KCNQ5: variants seen among roughly 807,000 people sequenced by gnomAD.
KCNQ5 encodes the protein potassium voltage-gated channel subfamily KQT member 5.
Under a neutral mutation model 98.2 loss-of-function variants are expected in KCNQ5, and 30 were observed. That is an observed-to-expected ratio of 0.31 (90% CI 0.23 to 0.41). KCNQ5 has a LOEUF of 0.41. Among genes scored for constraint, KCNQ5 ranks in the 10% least tolerant of loss-of-function variants. The pLI is 1.00. For missense variants in KCNQ5, 835 were observed against 1,182.5 expected (o/e 0.71, Z 4.31); for synonymous variants, 458 against 449.4 (o/e 1.02, Z -0.24).
intron 2 of KCNQ5, among the ~76,000 whole-genome samples, chr6:73,021,488 T>C (rs573017982): frequency 1.3e-5 from 2 of 152,350 alleles, no homozygotes; most frequent in South Asian, 4.1e-4. Flanking sequence ...TTTGTTATTG[T>C]CTTTCATTAT....
chr6:73,070,109 A>G (rs890145408), intron 3 of KCNQ5, among the ~76,000 whole-genome samples: 15 of 152,238 alleles, frequency 9.9e-5, no homozygotes, highest in African/African-American at 3.4e-4. Flanking sequence ...CCGTGAATTT[A>G]ATATGAGGTC....
intron 3 of KCNQ5, among the ~76,000 whole-genome samples, chr6:73,053,354 A>T (rs1006863622): frequency 2.0e-5 from 3 of 152,194 alleles, no homozygotes; most frequent in Admixed American, 6.5e-5. Flanking sequence ...CAGAAAACTA[A>T]CAAAGAAATT....
At chr6:73,103,471 A>G (rs1204827662) in intron 5 of KCNQ5, among the ~76,000 whole-genome samples, 1 of 54,136 alleles carries the variant, frequency 1.8e-5, no homozygotes, top group East Asian at 6.0e-4. Flanking sequence ...AACATCACAT[A>G]CTGGGGCCTG....
At chr6:73,021,988 A>G (rs1438504847) in intron 2 of KCNQ5, among the ~76,000 whole-genome samples, 2 of 152,168 alleles carry the variant, frequency 1.3e-5, no homozygotes, top group African/African-American at 4.8e-5. Flanking sequence ...TAAAGCAAAT[A>G]TGCTTATCTA....
chr6:72,966,329 C>T (rs756340552), intron 1 of KCNQ5, among the ~76,000 whole-genome samples: 2 of 151,618 alleles, frequency 1.3e-5, no homozygotes, highest in South Asian at 4.2e-4. Flanking sequence ...GAGGCCAAGG[C>T]GGGCGGATCA....
intron 1 of KCNQ5, among the ~76,000 whole-genome samples, chr6:72,923,009 A>C (rs1200694723): frequency 6.6e-6 from 1 of 151,684 alleles, no homozygotes; most frequent in Non-Finnish European, 1.5e-5. Flanking sequence ...ACGGGGTTCC[A>C]CCATGTTGGC....
intron 1 of KCNQ5, among the ~76,000 whole-genome samples, chr6:72,868,804 A>G (rs752054458): frequency 9.9e-5 from 15 of 152,152 alleles, no homozygotes; most frequent in Non-Finnish European, 2.2e-4. Context: ...CCCACTTCCT[A>G]AGGAAGGTAA....
intron 1 of KCNQ5, among the ~76,000 whole-genome samples, chr6:72,833,805 T>C (rs1224948108): frequency 6.6e-6 from 1 of 152,056 alleles, no homozygotes; most frequent in Non-Finnish European, 1.5e-5. Flanking sequence ...AGTTCATCCA[T>C]AGGAAAGTAG....
chr6:72,858,168 T>A (rs1777609300), intron 1 of KCNQ5, among the ~76,000 whole-genome samples: 1 of 152,172 alleles, frequency 6.6e-6, no homozygotes, highest in Non-Finnish European at 1.5e-5. Context: ...ATTTTTCCCA[T>A]GGCATTTAAC....
At chr6:73,000,415 G>T (rs1028808172) in intron 1 of KCNQ5, among the ~76,000 whole-genome samples, 2 of 152,138 alleles carry the variant, frequency 1.3e-5, no homozygotes, top group Non-Finnish European at 1.5e-5. Context: ...AACTTTATAT[G>T]CTTGGTCTGC....
intron 1 of KCNQ5, among the ~76,000 whole-genome samples, chr6:72,836,006 C>T (rs1413866328): frequency 2.6e-5 from 4 of 152,168 alleles, no homozygotes; most frequent in Admixed American, 1.3e-4. Context: ...GCAAATGCTA[C>T]AAATTAGGGT....
chr6:73,022,189 CA>C (rs200076205), intron 2 of KCNQ5, among the ~76,000 whole-genome samples: 49 of 149,312 alleles, frequency 3.3e-4, no homozygotes, highest in Non-Finnish European at 4.2e-4. Context: ...TCTCTAGATG[CA>C]AAAAAAAAGA....
intron 1 of KCNQ5, among the ~76,000 whole-genome samples, chr6:72,962,216 T>G (rs530151539): frequency 7.5e-6 from 1 of 133,100 alleles, no homozygotes; most frequent in African/African-American, 2.8e-5. Flanking sequence ...TATATATATA[T>G]ACACACATAT....
chr6:72,766,441 A>G (rs10805965), intron 1 of KCNQ5, among the ~76,000 whole-genome samples: 87,371 of 151,712 alleles, frequency 0.58, 25,250 homozygotes, highest in Admixed American at 0.64. Context: ...TAATCACTCC[A>G]GCTACTGTGG....
At chr6:72,656,895 T>C (rs941749264) in intron 1 of KCNQ5, among the ~76,000 whole-genome samples, 5 of 152,150 alleles carry the variant, frequency 3.3e-5, no homozygotes, top group African/African-American at 1.2e-4. Context: ...TTTAACAAAT[T>C]ATTTTATTAA....
intron 10 of KCNQ5, among the ~76,000 whole-genome samples, chr6:73,167,925 C>A (rs756734922): frequency 3.9e-4 from 59 of 152,192 alleles, no homozygotes; most frequent in Non-Finnish European, 4.4e-4. Context: ...GTTCCCACAT[C>A]TTAATACTAT....
chr6:72,706,279 T>G (rs1769075427), intron 1 of KCNQ5, among the ~76,000 whole-genome samples: 1 of 151,896 alleles, frequency 6.6e-6, no homozygotes, highest in African/African-American at 2.4e-5. Context: ...AATTCTGAAG[T>G]GGAAAGGATG....
At chr6:73,178,264 CTT>C (rs3068379) in intron 11 of KCNQ5, among the ~76,000 whole-genome samples, 54,339 of 150,836 alleles carry the variant, frequency 0.36, 10,844 homozygotes, top group East Asian at 0.56. Context: ...TTTTACTACT[CTT>C]ATACCCTTAA....
At chr6:72,779,634 G>C (rs141589533) in intron 1 of KCNQ5, among the ~76,000 whole-genome samples, 1 of 152,004 alleles carries the variant, frequency 6.6e-6, no homozygotes, top group East Asian at 1.9e-4. Context: ...TAAGCGGGAG[G>C]GTTCTTTTGG....
Sources: gnomAD v4.1 joint callset for allele counts (sites outside exome capture counted in the v4.1 genomes callset) on GRCh38, gnomAD v4.1.1 for gene constraint, MANE v1.5 for transcripts, NCBI Gene and HGNC (gene_info 2026-07-23, HGNC 2026-07-21) for gene names.